EPHA6: variants seen among roughly 807,000 people sequenced by gnomAD.
The protein encoded by EPHA6 is EPH receptor A6.
In EPHA6, 50 loss-of-function variants were observed where a neutral mutation model predicts 112.0. The observed-to-expected ratio is 0.45, with a 90% CI of 0.36 to 0.56. EPHA6 has a LOEUF of 0.56. Ranked by LOEUF, EPHA6 falls within the 20% of genes least tolerant of loss-of-function variation. EPHA6 has a pLI of 0.00. For synonymous variants in EPHA6, 529 were observed against 490.7 expected, an observed-to-expected ratio of 1.08 and a Z score of -1.03; for missense variants, 1,280 against 1,417.4, an observed-to-expected ratio of 0.90 and a Z score of 1.56.
chr3:97,394,351 A>G (rs1577223218), intron 5 of EPHA6, among the ~76,000 whole-genome samples: 1 of 151,874 alleles, frequency 6.6e-6, no homozygotes, highest in East Asian at 1.9e-4. Context: ...ACTTCAAGAC[A>G]TTGGTCTAGG....
chr3:97,586,543 T>TA (rs147109384), intron 11 of EPHA6, among the ~76,000 whole-genome samples: 30 of 145,652 alleles, frequency 2.1e-4, no homozygotes, highest in Middle Eastern at 3.5e-3. Flanking sequence ...TTACTATAAC[T>TA]AAAAAAAAAA....
chr3:97,627,208 G>T lies in EPHA6; in HGVS notation c.2575-10665G>T, dbSNP rs1409703739. On this transcript the variant is annotated intron_variant, in intron 13 of 17. Coordinates refer to ENST00000389672, the MANE Select transcript of EPHA6 (RefSeq NM_001080448.3). ...AATATGTATTGACAGACTACAGTAG[G>T]CCAGGTACTTTTCTGGATCCTGGAA... 3.3e-5 allele frequency among the ~76,000 whole-genome samples: 5 copies of T among 151,832 alleles called. No homozygotes were observed. The East Asian group carries it at 9.7e-4, about 29-fold the overall frequency.
intron 6 of EPHA6, among the ~76,000 whole-genome samples, chr3:97,416,504 A>G (rs149229442): frequency 1.2e-3 from 180 of 152,272 alleles, no homozygotes; most frequent in African/African-American, 1.6e-3. Flanking sequence ...TAAAGGGAAC[A>G]TAAGTGTGAA....
At chr3:97,119,345 G>A (rs1283484213) in intron 3 of EPHA6, among the ~76,000 whole-genome samples, 2 of 151,990 alleles carry the variant, frequency 1.3e-5, no homozygotes, top group Non-Finnish European at 2.9e-5. Flanking sequence ...AAATTATTAT[G>A]AGGAACACTG....
intron 10 of EPHA6, among the ~76,000 whole-genome samples, chr3:97,509,680 C>G (rs912414502): frequency 6.6e-6 from 1 of 152,060 alleles, no homozygotes; most frequent in African/African-American, 2.4e-5. Flanking sequence ...TTGCTCTTCT[C>G]AAGGAGTATC....
chr3:96,986,177 A>T (rs1196922312), intron 2 of EPHA6, among the ~76,000 whole-genome samples: 1 of 152,220 alleles, frequency 6.6e-6, no homozygotes, highest in Non-Finnish European at 1.5e-5. Flanking sequence ...TGCAATATTA[A>T]ATGAATAAAT....
chr3:97,465,604 C>T (rs528172529), intron 7 of EPHA6, among the ~76,000 whole-genome samples: 4 of 151,970 alleles, frequency 2.6e-5, no homozygotes, highest in Non-Finnish European at 5.9e-5. Flanking sequence ...AAACAATGAT[C>T]CAAAAGCTTC....
chr3:97,062,406 T>C (rs990260878), intron 3 of EPHA6, among the ~76,000 whole-genome samples: 1 of 151,690 alleles, frequency 6.6e-6, no homozygotes, highest in African/African-American at 2.4e-5. Flanking sequence ...CGAGATAGAA[T>C]GGGAAAAAAT....
rs140125359 is a variant in EPHA6, at chr3:97,222,213, A to C, written c.1115-4051A>C. The stretch of plus-strand genomic sequence containing the variant: ...TCTAATATGATATGATCTGAGAGTT[A>C]TATGCTGTATACTATTAATGTGTGC... On this transcript the variant is annotated intron_variant, in intron 3 of 17. Transcript: ENST00000389672. Among the ~76,000 whole-genome samples, 61 of 152,306 alleles carry C rather than the reference A, an allele frequency of 4.0e-4. 1 individual carries two copies. The East Asian group carries it at 6.4e-3, about 16-fold the overall frequency.
chr3:97,605,399 C>T (rs369427901), intron 12 of EPHA6, among the ~76,000 whole-genome samples: 2 of 151,632 alleles, frequency 1.3e-5, no homozygotes, highest in Non-Finnish European at 3.0e-5. Flanking sequence ...ACATTTAAAT[C>T]TTTAATCCAC....
chr3:96,867,233 CATAA>C (rs573652958), intron 2 of EPHA6, among the ~76,000 whole-genome samples: 50 of 151,696 alleles, frequency 3.3e-4, no homozygotes, highest in Middle Eastern at 6.9e-3. Flanking sequence ...AGTATTTGTG[CATAA>C]ATAAACTTTA....
At chr3:96,889,496 A>G (rs1257906411) in intron 2 of EPHA6, among the ~76,000 whole-genome samples, 1 of 152,154 alleles carries the variant, frequency 6.6e-6, no homozygotes, top group Non-Finnish European at 1.5e-5. Flanking sequence ...AGAATAAGAA[A>G]TCAAAGCAGA....
intron 6 of EPHA6, among the ~76,000 whole-genome samples, chr3:97,418,010 T>C (rs924671698): frequency 5.9e-5 from 9 of 152,134 alleles, no homozygotes; most frequent in Admixed American, 2.0e-4. Context: ...CCAAGGACTT[T>C]TGATGCGTTA....
At chr3:97,414,164 G>C (rs2087936162) in intron 6 of EPHA6, among the ~76,000 whole-genome samples, 1 of 151,956 alleles carries the variant, frequency 6.6e-6, no homozygotes, top group African/African-American at 2.4e-5. Flanking sequence ...CTGATATAGG[G>C]TTGAGTTTTG....
chr3:97,562,065 T>C (rs555237415), intron 11 of EPHA6, among the ~76,000 whole-genome samples: 13 of 152,260 alleles, frequency 8.5e-5, no homozygotes, highest in African/African-American at 2.9e-4. Context: ...TCATTGACAA[T>C]GCACTTAGTC....
At chr3:97,723,028 C>T (rs551863676) in intron 15 of EPHA6, among the ~76,000 whole-genome samples, 1 of 152,140 alleles carries the variant, frequency 6.6e-6, no homozygotes, top group Non-Finnish European at 1.5e-5. Flanking sequence ...TCCACTTTAA[C>T]AGTAACATGC....
chr3:97,019,739 G>T (rs2044387075), intron 3 of EPHA6, among the ~76,000 whole-genome samples: 1 of 152,030 alleles, frequency 6.6e-6, no homozygotes, highest in Non-Finnish European at 1.5e-5. Context: ...TAATTTATCA[G>T]ATTTTTAATA....
chr3:97,237,182 AT>A (rs5851056), intron 4 of EPHA6, among the ~76,000 whole-genome samples: 14,508 of 144,146 alleles, frequency 0.1, 1,500 homozygotes, highest in African/African-American at 0.23. Context: ...TTTGTTTTTG[AT>A]TTTTTTTTTT....
chr3:97,462,518 T>A (rs963264157), intron 7 of EPHA6, among the ~76,000 whole-genome samples: 6 of 152,172 alleles, frequency 3.9e-5, no homozygotes, highest in Admixed American at 1.3e-4. Flanking sequence ...CCTACTCCAC[T>A]ACAAATTTTT....
Sources: allele counts gnomAD v4.1 joint callset (sites outside exome capture counted in the v4.1 genomes callset), GRCh38; gene constraint gnomAD v4.1.1; transcripts MANE v1.5; gene names NCBI Gene and HGNC (gene_info 2026-07-23, HGNC 2026-07-21).